Variants in FBXL7 observed in about 807,000 individuals in gnomAD.
FBXL7 encodes F-box/LRR-repeat protein 7.
FBXL7 carries 12 observed loss-of-function variants against 38.3 expected under a neutral mutation model. That is an observed-to-expected ratio of 0.31 (90% CI 0.20 to 0.51). FBXL7 has a LOEUF of 0.51. FBXL7 is among the 20% of genes least tolerant of loss of function. FBXL7 has a pLI of 0.98. For synonymous variants in FBXL7, 297 were observed against 300.9 expected, an observed-to-expected ratio of 0.99 and a Z score of 0.13; for missense variants, 567 against 676.4, an observed-to-expected ratio of 0.84 and a Z score of 1.79.
At position 15,859,471 on chromosome 5, in the gene FBXL7, C is replaced by T. The variant is rs148837245; in HGVS notation, c.128-68419C>T. On this transcript the variant is annotated intron_variant, in intron 2 of 3. Transcript: ENST00000504595. ...ATTCCACACTGATAATAAAGACATA[C>T]GCAAGACAAGGTAACTGATAAAGGA... Among the ~76,000 whole-genome samples the T allele has an allele frequency of 1.9e-3, 288 of 152,182 alleles. 1 individual carries two copies. The highest frequency in any genetic ancestry group is 3.1e-3 in the Non-Finnish European group (209 of 68,012).
At chr5:15,621,764 A>C (rs1302340226) in intron 2 of FBXL7, among the ~76,000 whole-genome samples, 1 of 152,212 alleles carries the variant, frequency 6.6e-6, no homozygotes, top group Non-Finnish European at 1.5e-5. Flanking sequence ...ACGCATATTC[A>C]AATATTGAAC....
At chr5:15,758,593 A>C (rs1736360646) in intron 2 of FBXL7, among the ~76,000 whole-genome samples, 3 of 152,194 alleles carry the variant, frequency 2.0e-5, no homozygotes, top group Non-Finnish European at 4.4e-5. Context: ...TGCAACAATT[A>C]ACATGTTAAA....
At chr5:15,872,555 C>T (rs1740012728) in intron 2 of FBXL7, among the ~76,000 whole-genome samples, 1 of 152,064 alleles carries the variant, frequency 6.6e-6, no homozygotes, top group African/African-American at 2.4e-5. Flanking sequence ...TGCAAAGACA[C>T]ACATAGGCTC....
chr5:15,837,077 C>T (rs771892192), intron 2 of FBXL7, among the ~76,000 whole-genome samples: 36 of 152,244 alleles, frequency 2.4e-4, no homozygotes, highest in Non-Finnish European at 4.9e-4. Context: ...TTGTGTCACT[C>T]ATTAATCTAT....
intron 1 of FBXL7, among the ~76,000 whole-genome samples, chr5:15,606,324 G>C (rs979471338): frequency 6.6e-6 from 1 of 152,128 alleles, no homozygotes. Flanking sequence ...ACATGTATGC[G>C]TGTATGATTA....
intron 1 of FBXL7, among the ~76,000 whole-genome samples, chr5:15,567,517 A>T (rs1037150687): frequency 2.0e-5 from 3 of 152,032 alleles, no homozygotes; most frequent in African/African-American, 7.2e-5. Flanking sequence ...GCATTCAGTG[A>T]CCGTTACTTG....
intron 2 of FBXL7, among the ~76,000 whole-genome samples, chr5:15,701,582 A>G (rs1340940639): frequency 3.3e-5 from 5 of 152,206 alleles, no homozygotes. Flanking sequence ...TAAATACCTT[A>G]AGAGAATCTC....
intron 2 of FBXL7, among the ~76,000 whole-genome samples, chr5:15,698,655 C>T (rs2126630517): frequency 6.6e-6 from 1 of 152,236 alleles, no homozygotes; most frequent in Admixed American, 6.5e-5. Flanking sequence ...GTTTCTTTTT[C>T]TCTTTCTGTA....
At chr5:15,863,937 G>A (rs1197075919) in intron 2 of FBXL7, among the ~76,000 whole-genome samples, 1 of 152,162 alleles carries the variant, frequency 6.6e-6, no homozygotes, top group African/African-American at 2.4e-5. Flanking sequence ...ATCAATTCTA[G>A]AGTTGTAGGT....
intron 2 of FBXL7, among the ~76,000 whole-genome samples, chr5:15,896,524 C>T (rs566547937): frequency 6.6e-6 from 1 of 152,148 alleles, no homozygotes; most frequent in Non-Finnish European, 1.5e-5. Context: ...GTGGCTCTGG[C>T]GGACCAACAG....
chr5:15,795,576 T>C lies in FBXL7; in HGVS notation c.128-132314T>C, dbSNP rs145060002. On this transcript the variant is annotated intron_variant, in intron 2 of 3. Coordinates refer to ENST00000504595, the MANE Select transcript of FBXL7 (RefSeq NM_012304.5). Reference sequence around the variant, plus strand: ...AATTTATGTCTTATAGCATGACTAATTGGAGAGAAAAAAGCCTTCTTTAAG... The same window carrying C: ...AATTTATGTCTTATAGCATGACTAACTGGAGAGAAAAAAGCCTTCTTTAAG... Among the ~76,000 whole-genome samples, 291 of 152,286 alleles carry C rather than the reference T, an allele frequency of 1.9e-3. 1 individual carries two copies. Among genetic ancestry groups the C allele is most frequent in the Non-Finnish European group, 3.5e-3 (240 of 68,020 alleles).
intron 2 of FBXL7, among the ~76,000 whole-genome samples, chr5:15,802,384 G>A (rs754961324): frequency 4.3e-5 from 6 of 140,804 alleles, no homozygotes; most frequent in African/African-American, 1.5e-4. Flanking sequence ...CCCCCACCCC[G>A]CCCCACCGTC....
chr5:15,881,003 A>T (rs767954368), intron 2 of FBXL7, among the ~76,000 whole-genome samples: 9 of 151,986 alleles, frequency 5.9e-5, no homozygotes, highest in Non-Finnish European at 1.3e-4. Flanking sequence ...AAGCTATCTG[A>T]TTCCAGAAAT....
rs529294362 is a variant in FBXL7 at position 15,866,503 on chromosome 5, CCTTTAA to C, written c.128-61381_128-61376del. On this transcript the variant is annotated intron_variant, in intron 2 of 3. Transcript: ENST00000504595. Reference sequence around the variant, plus strand: ...CTGAGAAATTGTTCCTGTATTTTTTCCTTTAACTTTATCTGTAGCTAATGCCCATTA... The same window carrying C: ...CTGAGAAATTGTTCCTGTATTTTTTCCTTTATCTGTAGCTAATGCCCATTA... Among the ~76,000 whole-genome samples the C allele has an allele frequency of 2.7e-3, 409 of 152,070 alleles. 2 individuals carry two copies. The highest frequency in any genetic ancestry group is 4.8e-3 in the South Asian group (23 of 4,818).
At chr5:15,691,637 G>A (rs6862949) in intron 2 of FBXL7, among the ~76,000 whole-genome samples, 103,397 of 151,970 alleles carry the variant, frequency 0.68, 35,478 homozygotes, top group East Asian at 0.79. Context: ...CTTCTTTTGA[G>A]TGTATTTAAA....
At chr5:15,542,672 A>G (rs976306255) in intron 1 of FBXL7, among the ~76,000 whole-genome samples, 1 of 152,200 alleles carries the variant, frequency 6.6e-6, no homozygotes, top group Non-Finnish European at 1.5e-5. Flanking sequence ...ACCTTTTGTG[A>G]TGTCAGTAGA....
intron 2 of FBXL7, among the ~76,000 whole-genome samples, chr5:15,735,728 T>C (rs1053124278): frequency 1.3e-5 from 2 of 152,188 alleles, no homozygotes; most frequent in African/African-American, 4.8e-5. Context: ...TTAGAGCAGA[T>C]GACCTGAGGG....
intron 2 of FBXL7, among the ~76,000 whole-genome samples, chr5:15,820,846 A>C (rs144211037): frequency 1.3e-5 from 2 of 152,112 alleles, no homozygotes; most frequent in African/African-American, 4.8e-5. Context: ...TGTTGCAGCA[A>C]CTTGGCTACA....
chr5:15,647,169 A>T (rs1028021360), intron 2 of FBXL7, among the ~76,000 whole-genome samples: 1 of 152,268 alleles, frequency 6.6e-6, no homozygotes, highest in Admixed American at 6.5e-5. Context: ...GGTGTCAGTC[A>T]TTAACATTTA....
Sources: gnomAD v4.1 joint callset for allele counts (sites outside exome capture counted in the v4.1 genomes callset) on GRCh38, gnomAD v4.1.1 for gene constraint, MANE v1.5 for transcripts, NCBI Gene and HGNC (gene_info 2026-07-23, HGNC 2026-07-21) for gene names.